RREB1: variants seen among roughly 807,000 people sequenced by gnomAD.
The protein encoded by RREB1 is ras-responsive element-binding protein 1.
Under a neutral mutation model 117.8 loss-of-function variants are expected in RREB1, and 27 were observed. That is an observed-to-expected ratio of 0.23 (90% confidence interval 0.17 to 0.32). RREB1 has a LOEUF of 0.32. Among genes scored for constraint, RREB1 ranks in the 10% least tolerant of loss-of-function variants. The probability of loss-of-function intolerance (pLI) is 1.00; values close to 1 mark genes in which losing one functional copy is unlikely to be tolerated. For synonymous variants in RREB1, 1,298 were observed against 1,026.7 expected, an observed-to-expected ratio of 1.26 and a Z score of -5.05; for missense variants, 2,577 against 2,378.2, an observed-to-expected ratio of 1.08 and a Z score of -1.74.
rs571394891 is a variant in RREB1 at position 7,231,044 on chromosome 6, C to A, written c.2945C>A (p.Thr982Asn). The change falls in exon 10 of 13, where the codon ACT (threonine) becomes AAT (asparagine). Residue 982 changes from threonine (T) to asparagine (N), a missense_variant. Physicochemically the swap from Thr to Asn is moderately conservative, Grantham distance 65. Coordinates refer to ENST00000379938, the MANE Select transcript of RREB1 (RefSeq NM_001003699.4). ...GCACCCGGCCCTTCTCTTCCTGTAA[C>A]TTTGGGGCCCAGCGGAATCCTGGAA... ...CPAPGPSLPV[T>N]LGPSGILESP... 1 of 1,613,974 alleles carries A rather than the reference C, an allele frequency of 6.2e-7. No homozygotes were observed. The highest frequency in any genetic ancestry group is 2.2e-5 in the East Asian group (1 of 44,858).
At chr6:7,205,881 C>T (rs1026591427) in intron 6 of RREB1, among the ~76,000 whole-genome samples, 1 of 152,228 alleles carries the variant, frequency 6.6e-6, no homozygotes, top group South Asian at 2.1e-4. Flanking sequence ...TGAAAATCAG[C>T]ATCTACTCCT....
chr6:7,246,533 A>G lies in RREB1; in HGVS notation c.4083A>G (p.Ala1361=). The change falls in exon 12 of 13, where the codon GCA becomes GCG. Residue 1361 remains alanine, a synonymous_variant. Transcript: ENST00000379938. ...SEGATELRQV[A]GDAPVEQATA... Reference sequence around the variant, plus strand: ...GCGCCACTGAGCTCCGCCAGGTCGCAGGGGATGCGCCTGTGGAGCAGGCCA... The same window carrying G: ...GCGCCACTGAGCTCCGCCAGGTCGCGGGGGATGCGCCTGTGGAGCAGGCCA... The G allele has an allele frequency of 6.5e-7, 1 of 1,547,328 alleles. No homozygotes were observed.
At position 7,248,860 on chromosome 6, in the gene RREB1, G is replaced by A; in HGVS notation, c.5121G>A (p.Glu1707=). The A allele has an allele frequency of 6.2e-7, 1 of 1,602,134 alleles. No homozygotes were observed. The highest frequency in any genetic ancestry group is 1.7e-4 in the Middle Eastern group (1 of 5,860). ...CTGGCCAGGGTGACCTTAACCCAGA[G>A]AGCCCGGCGGCCCTGGGGCAGGACC... is the stretch of plus-strand genomic sequence containing the variant. ...SEPGQGDLNP[E]SPAALGQDLL... The change falls in exon 13 of 13, where the codon GAG becomes GAA. Residue 1707 remains glutamate (E), a synonymous_variant. Transcript: ENST00000379938.
chr6:7,218,407 C>A (rs1767033762), intron 8 of RREB1: 1 of 149,966 alleles, frequency 6.7e-6, no homozygotes, highest in African/African-American at 2.5e-5. Context: ...GAGTTAAGGT[C>A]GCCAGATGAA....
chr6:7,120,813 ATTTTTTTTTTTTT>A (rs754044532), intron 1 of RREB1, among the ~76,000 whole-genome samples: 3 of 109,664 alleles, frequency 2.7e-5, no homozygotes, highest in Admixed American at 1.9e-4. Flanking sequence ...CGCTTGGCTA[ATTTTTTTTTTTTT>A]TTTTTTTTTT....
chr6:7,187,544 T>C (rs1581509769), intron 5 of RREB1, 21 bp downstream of exon 5: 1 of 444,870 alleles, frequency 2.2e-6, no homozygotes, highest in South Asian at 8.2e-5. Context: ...ACTGTTCTTT[T>C]ATTTTATTTT....
intron 1 of RREB1, among the ~76,000 whole-genome samples, chr6:7,126,040 C>T (rs1026881697): frequency 7.2e-5 from 11 of 152,056 alleles, no homozygotes; most frequent in South Asian, 4.1e-4. Flanking sequence ...CTTGCTCTGT[C>T]GCCCAAGCTG....
intron 1 of RREB1, among the ~76,000 whole-genome samples, chr6:7,133,475 C>T (rs2113361225): frequency 6.6e-6 from 1 of 152,124 alleles, no homozygotes; most frequent in East Asian, 1.9e-4. Flanking sequence ...AAGTCCCAGC[C>T]ACTTGGGAGG....
chr6:7,245,732 G>A (rs568662261), intron 11 of RREB1, among the ~76,000 whole-genome samples: 122 of 152,258 alleles, frequency 8.0e-4, no homozygotes, highest in African/African-American at 2.6e-3. Flanking sequence ...TTCACAGTCC[G>A]CTCCCCTCAC....
chr6:7,199,458 T>A (rs555177539), intron 6 of RREB1, among the ~76,000 whole-genome samples: 1 of 152,286 alleles, frequency 6.6e-6, no homozygotes, highest in African/African-American at 2.4e-5. Flanking sequence ...TTCTTAACAA[T>A]TGGGGCAACG....
chr6:7,123,399 C>T (rs1314623505), intron 1 of RREB1, among the ~76,000 whole-genome samples: 1 of 152,072 alleles, frequency 6.6e-6, no homozygotes, highest in Non-Finnish European at 1.5e-5. Flanking sequence ...TGAGTTCAGG[C>T]AGTCCGCCCG....
chr6:7,156,971 T>A (rs1288600904), intron 1 of RREB1, among the ~76,000 whole-genome samples: 2 of 152,180 alleles, frequency 1.3e-5, no homozygotes, highest in Admixed American at 6.5e-5. Context: ...TTCAGCTTCG[T>A]CGTCCCTGGC....
intron 6 of RREB1, among the ~76,000 whole-genome samples, chr6:7,206,624 A>T (rs1358032820): frequency 9.8e-6 from 1 of 101,832 alleles, no homozygotes; most frequent in Non-Finnish European, 1.9e-5. Flanking sequence ...CAGTCAGACG[A>T]GTAAAATACA....
At chr6:7,159,541 G>T (rs939557423) in intron 1 of RREB1, among the ~76,000 whole-genome samples, 1 of 152,158 alleles carries the variant, frequency 6.6e-6, no homozygotes, top group Admixed American at 6.5e-5. Flanking sequence ...TTGATTTAAC[G>T]AATGTTCACT....
chr6:7,186,501 C>A (rs993056520), intron 4 of RREB1, among the ~76,000 whole-genome samples: 7 of 152,200 alleles, frequency 4.6e-5, no homozygotes, highest in African/African-American at 1.7e-4. Flanking sequence ...AGCATCCCAA[C>A]TCCAAATTAC....
At chr6:7,109,298 C>G (rs971277615) in intron 1 of RREB1, among the ~76,000 whole-genome samples, 1 of 152,090 alleles carries the variant, frequency 6.6e-6, no homozygotes, top group African/African-American at 2.4e-5. Flanking sequence ...CCGGGCCCCC[C>G]GCGCCCCCTC....
rs776186584 is a variant in RREB1, at chr6:7,246,699, G to C, written c.4249G>C (p.Asp1417His). ...GGACGCGTCGAGCAACCAGAGCCTGGACCTGGACTTCGCCACCAAGCTCAT... is the reference window on the plus strand; with the variant it reads ...GGACGCGTCGAGCAACCAGAGCCTGCACCTGGACTTCGCCACCAAGCTCAT... ...EEDASSNQSL[D>H]LDFATKLMDF... The change falls in exon 12 of 13, where the codon GAC becomes CAC. Residue 1417 changes from aspartate (D) to histidine (H), a missense_variant. Coordinates refer to ENST00000379938, the MANE Select transcript of RREB1 (RefSeq NM_001003699.4). The C allele has an allele frequency of 6.2e-5, 99 of 1,584,930 alleles. No individual in the cohort carries two copies. In the Admixed American group the frequency reaches 1.7e-3, roughly 27 times the overall value.
intron 6 of RREB1, among the ~76,000 whole-genome samples, chr6:7,200,049 A>G (rs922868300): frequency 6.6e-6 from 1 of 152,178 alleles, no homozygotes; most frequent in Admixed American, 6.5e-5. Flanking sequence ...AAGTTGGCCA[A>G]TTTTAATTGA....
At position 7,136,402 on chromosome 6, in the gene RREB1, G is replaced by A. The variant is rs567729181; in HGVS notation, c.-285+28342G>A. Among the ~76,000 whole-genome samples the A allele has an allele frequency of 3.3e-5, 5 of 152,296 alleles. No homozygotes were observed. In the East Asian group the frequency reaches 9.6e-4, roughly 29 times the overall value. On this transcript the variant is annotated intron_variant, in intron 1 of 12. Transcript: ENST00000379938. ...CAGATCCCAATGGCTAGGCAATATG[G>A]AGATAATAGTAAACAGGATTTTGTA...
Sources: allele counts gnomAD v4.1 joint callset (sites outside exome capture counted in the v4.1 genomes callset), GRCh38; gene constraint gnomAD v4.1.1; transcripts MANE v1.5; gene names NCBI Gene and HGNC (gene_info 2026-07-23, HGNC 2026-07-21).